The following BAG5 variants were observed in gnomAD, a reference collection of about 807,000 sequenced individuals.
BAG5 encodes BAG family molecular chaperone regulator 5.
A neutral mutation model predicts 31.8 loss-of-function variants in BAG5; 25 were observed. That is an observed-to-expected ratio of 0.79 (90% CI 0.57 to 1.10). The LOEUF is 1.10. Ranked by LOEUF, BAG5 falls within the 50% of genes least tolerant of loss-of-function variation. The probability of loss-of-function intolerance (pLI) is 0.00; values close to 1 mark genes in which losing one functional copy is unlikely to be tolerated. For missense variants in BAG5, 491 were observed against 527.9 expected, an observed-to-expected ratio of 0.93 and a Z score of 0.68; for synonymous variants, 208 against 205.0, an observed-to-expected ratio of 1.01 and a Z score of -0.13.
rs762794940 is a variant in BAG5, at chr14:103,559,924, G to C, written c.1241C>G (p.Pro414Arg). 3 of 1,614,068 alleles carry C rather than the reference G, an allele frequency of 1.9e-6. No homozygotes were observed. The highest frequency in any genetic ancestry group is 1.7e-5 in the Admixed American group (1 of 60,004). The change falls in exon 2 of 2, where the codon CCG becomes CGG. Residue 414 changes from proline to arginine, a missense_variant. Transcript: ENST00000299204. ...KQLLALDAVDPQGEEKCKAAR... is the reference protein window; with the variant it reads ...KQLLALDAVDRQGEEKCKAAR... The stretch of plus-strand genomic sequence containing the variant: ...AGCCTTACACTTCTCTTCTCCCTGC[G>C]GATCAACAGCATCCAGGGCTAGCAG...
In BAG5 at chr14:103,560,534, CATT is replaced by C. The variant is rs778094001; in HGVS notation, c.628_630del (p.Asn210del). Reference sequence around the variant, plus strand: ...ACACAGGATAAGTGCCTGCAGGTCTCATTGTTGTTCACACCCATCAGAAGTGCA... The same window carrying C: ...ACACAGGATAAGTGCCTGCAGGTCTCGTTGTTCACACCCATCAGAAGTGCA... On this transcript the variant is annotated inframe_deletion, in exon 2 of 2. Transcript: ENST00000299204. 1.2e-5 allele frequency: 20 copies of C among 1,613,980 alleles called. No homozygotes were observed. The highest frequency in any genetic ancestry group is 4.4e-5 in the South Asian group (4 of 91,082).
rs2076066485 is a variant in BAG5, at chr14:103,560,738, T to A, written c.427A>T (p.Ile143Phe). 1.2e-6 allele frequency: 2 copies of A among 1,614,008 alleles called. No homozygotes were observed. Among genetic ancestry groups the A allele is most frequent in the Non-Finnish European group, 1.7e-6 (2 of 1,180,010 alleles). Residue 143 changes from isoleucine (I) to phenylalanine (F), a missense_variant, in exon 2 of 2, where the codon ATC (isoleucine) becomes TTC (phenylalanine). Ile to Phe is a conservative substitution (Grantham distance 21, BLOSUM62 0). Transcript: ENST00000299204. ...TGATACCTTGCTTTCCGCAAGGAGATTTTTCCTCCAGTTTTAACATGTGTC... is the reference window on the plus strand; with the variant it reads ...TGATACCTTGCTTTCCGCAAGGAGAATTTTCCTCCAGTTTTAACATGTGTC... ...RLTHVKTGGKISLRKARYHTL... is the reference protein window; with the variant it reads ...RLTHVKTGGKFSLRKARYHTL...
At chr14:103,561,738 G>A in intron 1 of BAG5, 2 of 585,896 alleles carry the variant, frequency 3.4e-6, no homozygotes, top group South Asian at 4.2e-5. Flanking sequence ...CCTCACAGAA[G>A]TCTCCCTGAA....
chr14:103,556,884 AAGG>A lies in BAG5; in HGVS notation c.*2934_*2936del, dbSNP rs1319920027. ...AGATAGAAATTGACAAAGTCAAACA[AAGG>A]AGAAAAACTAGCTGAACTTCTCAAA... On this transcript the variant is annotated 3_prime_UTR_variant, in exon 2 of 2. Coordinates refer to ENST00000299204, the MANE Select transcript of BAG5 (RefSeq NM_001015048.3). 1 of 152,274 alleles carries A rather than the reference AAGG, an allele frequency of 6.6e-6. No homozygotes were observed. The highest frequency in any genetic ancestry group is 1.9e-4 in the East Asian group (1 of 5,206). The allele number at this position is 152,274 out of a possible 1,614,324, so 9.4% of individuals were successfully genotyped here. A position where few individuals can be genotyped will look rare whatever the true frequency, so the allele number is the denominator to read the frequency against.
In BAG5 at chr14:103,560,988, T is replaced by G; in HGVS notation, c.177A>C (p.Glu59Asp). 1.2e-6 allele frequency: 2 copies of G among 1,614,210 alleles called. No homozygotes were observed. Among genetic ancestry groups the G allele is most frequent in the Non-Finnish European group, 1.7e-6 (2 of 1,180,050 alleles). The change falls in exon 2 of 2, where the codon GAA (glutamate) becomes GAC (aspartate). Residue 59 changes from glutamate (E) to aspartate (D), a missense_variant. Glu to Asp is a conservative substitution (Grantham distance 45). Coordinates refer to ENST00000299204, the MANE Select transcript of BAG5 (RefSeq NM_001015048.3). Reference sequence around the variant, plus strand: ...TAGCTTGCTGAATATCTCCTTTTCCTTCAGTATCTACAGAGTCTATTTCAA... The same window carrying G: ...TAGCTTGCTGAATATCTCCTTTTCCGTCAGTATCTACAGAGTCTATTTCAA... ...QLFEIDSVDT[E>D]GKGDIQQARK...
Position 103,558,757 on chromosome 14 carries a change from G to A in BAG5, c.*1064C>T, listed in dbSNP as rs1316404946. 2 of 152,154 alleles carry A rather than the reference G, an allele frequency of 1.3e-5. No homozygotes were observed. The highest frequency in any genetic ancestry group is 4.8e-5 in the African/African-American group (2 of 41,422). The allele number at this position is 152,154 out of a possible 1,614,324, so 9.4% of individuals were successfully genotyped here. ...AGTTATGACATTTACTAAGTGAGTG[G>A]TTAACAGCTGACTGCCTAGAAAACC... is the stretch of plus-strand genomic sequence containing the variant. On this transcript the variant is annotated 3_prime_UTR_variant, in exon 2 of 2. Coordinates refer to ENST00000299204, the MANE Select transcript of BAG5 (RefSeq NM_001015048.3).
chr14:103,560,371 G>C lies in BAG5; in HGVS notation c.794C>G (p.Thr265Ser). Residue 265 changes from threonine to serine, a missense_variant, in exon 2 of 2, where the codon ACT (threonine) becomes AGT (serine). Thr to Ser is a moderately conservative substitution (Grantham distance 58). Coordinates refer to ENST00000299204, the MANE Select transcript of BAG5 (RefSeq NM_001015048.3). ...YLDLEEEADT[T>S]KAFDLRQNHS... Reference sequence around the variant, plus strand: ...ATTCTGTCTCAGGTCAAATGCTTTAGTTGTGTCTGCTTCCTCTTCCAAATC... The same window carrying C: ...ATTCTGTCTCAGGTCAAATGCTTTACTTGTGTCTGCTTCCTCTTCCAAATC... The C allele has an allele frequency of 1.2e-6, 2 of 1,614,090 alleles. No individual in the cohort carries two copies. The highest frequency in any genetic ancestry group is 1.7e-6 in the Non-Finnish European group (2 of 1,180,020).
chr14:103,559,513 G>A lies in BAG5; in HGVS notation c.*308C>T, dbSNP rs1379629420. On this transcript the variant is annotated 3_prime_UTR_variant, in exon 2 of 2. Transcript: ENST00000299204. ...GATTCTGAAAGACCTGCATTTTAATGCTTGCACAACCCATTTAAAATCTAC... is the reference window on the plus strand; with the variant it reads ...GATTCTGAAAGACCTGCATTTTAATACTTGCACAACCCATTTAAAATCTAC... 3.8e-6 allele frequency: 1 copy of A among 266,504 alleles called. No individual in the cohort carries two copies. Among genetic ancestry groups the A allele is most frequent in the Non-Finnish European group, 7.2e-6 (1 of 139,056 alleles). The allele number at this position is 266,504 out of a possible 1,614,324, so 16.5% of individuals were successfully genotyped here.
In BAG5 at chr14:103,562,592, GGCTACAAGCC is replaced by G. The variant is rs2076088729; in HGVS notation, c.-29+14_-29+23del. The G allele has an allele frequency of 5.9e-6, 1 of 168,552 alleles. No homozygotes were observed. The highest frequency in any genetic ancestry group is 1.3e-5 in the Non-Finnish European group (1 of 78,946). The allele number at this position is 168,552 out of a possible 1,614,324, so 10.4% of individuals were successfully genotyped here. ...ACTCGTCCCCCCGAGAGAGGGAAAA[GGCTACAAGCC>G]GCGCTTCGCTCACCTGTCCCGCCCG... is the stretch of plus-strand genomic sequence containing the variant. On this transcript the variant is annotated intron_variant, in intron 1 of 1. Coordinates refer to ENST00000299204, the MANE Select transcript of BAG5 (RefSeq NM_001015048.3).
chr14:103,559,742 A>G lies in BAG5; in HGVS notation c.*79T>C. On this transcript the variant is annotated 3_prime_UTR_variant, in exon 2 of 2. Transcript: ENST00000299204. ...CTGAGACTGAAATATGCACGTATAAATCAATGAACTGAAAGCTCTCTATAC... is the reference window on the plus strand; with the variant it reads ...CTGAGACTGAAATATGCACGTATAAGTCAATGAACTGAAAGCTCTCTATAC... 6.7e-7 allele frequency: 1 copy of G among 1,489,340 alleles called. No individual in the cohort carries two copies. The highest frequency in any genetic ancestry group is 9.0e-7 in the Non-Finnish European group (1 of 1,111,424). The allele number at this position is 1,489,340 out of a possible 1,614,324, so 92.3% of individuals were successfully genotyped here. A position where few individuals can be genotyped will look rare whatever the true frequency, so the allele number is the denominator to read the frequency against.
In BAG5 at chr14:103,556,958, A is replaced by T. The variant is rs1192893960; in HGVS notation, c.*2863T>A. 1 of 152,248 alleles carries T rather than the reference A, an allele frequency of 6.6e-6. No homozygotes were observed. The highest frequency in any genetic ancestry group is 2.4e-5 in the African/African-American group (1 of 41,464). 9.4% of individuals were successfully genotyped at this position (152,248 alleles called of 1,614,324 possible). A position where few individuals can be genotyped will look rare whatever the true frequency, so the allele number is the denominator to read the frequency against. ...GTGCATTTTAGCAAAATAAACCACT[A>T]AACTATACTTTGTAGACATATTCAT... On this transcript the variant is annotated 3_prime_UTR_variant, in exon 2 of 2. Transcript: ENST00000299204.
rs2076048211 is a variant in BAG5, at chr14:103,557,981, T to G, written c.*1840A>C. 1.3e-5 allele frequency: 2 copies of G among 152,004 alleles called. No homozygotes were observed. Among genetic ancestry groups the G allele is most frequent in the African/African-American group, 4.8e-5 (2 of 41,368 alleles). The allele number at this position is 152,004 out of a possible 1,614,324, so 9.4% of individuals were successfully genotyped here. ...GCACTGCAGCCTGGGCAACAGAGAC[T>G]CCATCTCAAAAATAAATAAAAAATA... On this transcript the variant is annotated 3_prime_UTR_variant, in exon 2 of 2. Coordinates refer to ENST00000299204, the MANE Select transcript of BAG5 (RefSeq NM_001015048.3).
In BAG5 at chr14:103,561,659, GCTT is replaced by G. The variant is rs532325768; in HGVS notation, c.-28-470_-28-468del. ...GCTCTCAGACATCCCCAAGGTCCCC[GCTT>G]CTTCGTTTCTCTCCATCCCTTTGTG... On this transcript the variant is annotated intron_variant, in intron 1 of 1. Coordinates refer to ENST00000299204, the MANE Select transcript of BAG5 (RefSeq NM_001015048.3). The G allele has an allele frequency of 2.9e-3, 1,398 of 479,936 alleles. 6 individuals are homozygous for G. The highest frequency in any genetic ancestry group is 4.5e-3 in the Middle Eastern group (8 of 1,766). The allele number at this position is 479,936 out of a possible 1,614,324, so 29.7% of individuals were successfully genotyped here.
rs1163817198 is a variant in BAG5 at position 103,558,398 on chromosome 14, A to G, written c.*1423T>C. The stretch of plus-strand genomic sequence containing the variant: ...GTTACACAATGAGCATCTCTGAAAG[A>G]GAATATTACCCTGGATTTCCAAAGA... On this transcript the variant is annotated 3_prime_UTR_variant, in exon 2 of 2. Coordinates refer to ENST00000299204, the MANE Select transcript of BAG5 (RefSeq NM_001015048.3). 1.3e-5 allele frequency: 2 copies of G among 152,286 alleles called. No homozygotes were observed. The highest frequency in any genetic ancestry group is 4.8e-5 in the African/African-American group (2 of 41,520). 9.4% of individuals were successfully genotyped at this position (152,286 alleles called of 1,614,324 possible).
Position 103,562,118 on chromosome 14 carries a change from G to A in BAG5, c.-29+498C>T, listed in dbSNP as rs567981854. 56 of 756,476 alleles carry A rather than the reference G, an allele frequency of 7.4e-5. 1 individual carries two copies. The East Asian group carries it at 1.4e-3, about 19-fold the overall frequency. The allele number at this position is 756,476 out of a possible 1,614,324, so 46.9% of individuals were successfully genotyped here. On this transcript the variant is annotated intron_variant, in intron 1 of 1. Coordinates refer to ENST00000299204, the MANE Select transcript of BAG5 (RefSeq NM_001015048.3). ...CCTTTACCCAAAAGAAGTCTGAATT[G>A]GATGCGGTCTTGGCGTCCCGTGGCT...
chr14:103,561,767 G>A (rs1372185142), intron 1 of BAG5: 13 of 627,482 alleles, frequency 2.1e-5, no homozygotes, highest in Non-Finnish European at 3.1e-5. Context: ...AACCCCACAG[G>A]TAAAGAAGAG....
Position 103,560,052 on chromosome 14 carries a change from G to A in BAG5, c.1113C>T (p.Asn371=), listed in dbSNP as rs749145244. The change falls in exon 2 of 2, where the codon AAC becomes AAT. Residue 371 remains asparagine (N), a synonymous_variant. Coordinates refer to ENST00000299204, the MANE Select transcript of BAG5 (RefSeq NM_001015048.3). ...GGATCTCAGACAAGTTTCCAAGGAC[G>A]TTCCAGACGGCTTTATGGGATGGGT... ...EEHPSHKAVW[N]VLGNLSEIQG... 17 of 1,614,070 alleles carry A rather than the reference G, an allele frequency of 1.1e-5. No individual in the cohort carries two copies. Among genetic ancestry groups the A allele is most frequent in the Non-Finnish European group, 1.2e-5 (14 of 1,180,050 alleles).
Position 103,559,839 on chromosome 14 carries a change from A to C in BAG5, c.1326T>G (p.Ser442=), listed in dbSNP as rs1012629870. ...TGGTATTTCAGTACTCCCATTCATC[A>C]GATTTCAGGTCGAGATAGCTGAGAA... is the stretch of plus-strand genomic sequence containing the variant. ...QNILSYLDLK[S]DEWEY The change falls in exon 2 of 2, where the codon TCT becomes TCG. Residue 442 remains serine (S), a synonymous_variant. Coordinates refer to ENST00000299204, the MANE Select transcript of BAG5 (RefSeq NM_001015048.3). 5 of 1,612,166 alleles carry C rather than the reference A, an allele frequency of 3.1e-6. No homozygotes were observed. Among genetic ancestry groups the C allele is most frequent in the Non-Finnish European group, 4.2e-6 (5 of 1,178,608 alleles).
rs35498576 is a variant in BAG5 at position 103,559,556 on chromosome 14, T to G, written c.*265A>C. On this transcript the variant is annotated 3_prime_UTR_variant, in exon 2 of 2. Coordinates refer to ENST00000299204, the MANE Select transcript of BAG5 (RefSeq NM_001015048.3). ...AAATCTACAAAAGCTGCCTCTATTT[T>G]GTTTTCTGATTAAAAACGCAAAAAA... 2.8e-6 allele frequency: 1 copy of G among 359,240 alleles called. No homozygotes were observed. Among genetic ancestry groups the G allele is most frequent in the African/African-American group, 2.1e-5 (1 of 48,126 alleles). 22.3% of individuals were successfully genotyped at this position (359,240 alleles called of 1,614,324 possible).
Sources: gnomAD v4.1 joint callset for allele counts on GRCh38, gnomAD v4.1.1 for gene constraint, MANE v1.5 for transcripts, NCBI Gene and HGNC (gene_info 2026-07-23, HGNC 2026-07-21) for gene names.